BFSP1: variants seen among roughly 807,000 people sequenced by gnomAD.
BFSP1 encodes the protein beaded filament structural protein 1, also known as filensin.
BFSP1 carries 38 observed loss-of-function variants against 43.9 expected under a neutral mutation model. That is an observed-to-expected ratio of 0.87 (90% CI 0.67 to 1.14). The LOEUF is 1.14. BFSP1 is among the 50% of genes most tolerant of loss of function. BFSP1 has a pLI of 0.00. For missense variants in BFSP1, 850 were observed against 875.1 expected, an observed-to-expected ratio of 0.97 and a Z score of 0.36; for synonymous variants, 352 against 354.8, an observed-to-expected ratio of 0.99 and a Z score of 0.09.
rs771012870 is a variant in BFSP1 at position 17,508,871 on chromosome 20, C to A, written c.735+18G>T. On this transcript the variant is annotated intron_variant, in intron 5 of 7. Transcript: ENST00000377873. ...CATGTGGGAAGCCCCAATGCACACG[C>A]GGCAGACTCGAGCGTACCTGTGCCT... 27 of 1,548,004 alleles carry A rather than the reference C, an allele frequency of 1.7e-5. No individual in the cohort carries two copies. Among genetic ancestry groups the A allele is most frequent in the South Asian group, 3.8e-5 (3 of 79,954 alleles).
chr20:17,496,876 G>C, intron 7 of BFSP1, 62 bp downstream of exon 7: 1 of 1,360,982 alleles, frequency 7.3e-7, no homozygotes, highest in Non-Finnish European at 9.9e-7. Context: ...AAGTCAGGAA[G>C]AGAGCCGCTT....
Position 17,499,000 on chromosome 20 carries a change from C to G in BFSP1, c.776G>C (p.Cys259Ser), listed in dbSNP as rs557601555. The G allele has an allele frequency of 6.9e-5, 112 of 1,614,188 alleles. 1 individual carries two copies. In the South Asian group the frequency reaches 1.2e-3, roughly 17 times the overall value. ...ATAAAGCTGAATCTCATCGTCATAA[C>G]ACTCATGGGCACTTTTAATAGCTTG... ...LEQAIKSAHE[C>S]YDDEIQLYNE... The change falls in exon 6 of 8, where the codon TGT becomes TCT. Residue 259 changes from cysteine (C) to serine (S), a missense_variant. Physicochemically the swap from Cys to Ser is moderately radical, Grantham distance 112 (BLOSUM62 -1). Transcript: ENST00000377873.
At chr20:17,563,221 A>G (rs2035082733), upstream of BFSP1, 1 of 152,370 alleles carries the variant, frequency 6.6e-6, no homozygotes, top group Non-Finnish European at 1.5e-5. Flanking sequence ...ACTGCTAGTC[A>G]GAGAACAGAC....
Position 17,531,038 on chromosome 20 carries a change from G to A in BFSP1, c.292C>T (p.Arg98Cys), listed in dbSNP as rs1217212624. The A allele has an allele frequency of 2.1e-6, 3 of 1,419,414 alleles. No homozygotes were observed. The highest frequency in any genetic ancestry group is 2.8e-6 in the Non-Finnish European group (3 of 1,089,998). 87.9% of individuals were successfully genotyped at this position (1,419,414 alleles called of 1,614,324 possible). The change falls in exon 1 of 8, where the codon CGC (arginine) becomes TGC (cysteine). Residue 98 changes from arginine (R) to cysteine (C), a missense_variant. Coordinates refer to ENST00000377873, the MANE Select transcript of BFSP1 (RefSeq NM_001195.5). Reference sequence around the variant, plus strand: ...CGCTCGGCCTCCAGGTCCCGGACGCGCTGGCGGTTGCTCTCGACTTGGCGG... The same window carrying A: ...CGCTCGGCCTCCAGGTCCCGGACGCACTGGCGGTTGCTCTCGACTTGGCGG... ...LARQVESNRQ[R>C]VRDLEAERAR...
chr20:17,563,394 C>T (rs1440321160), upstream of BFSP1, among the ~76,000 whole-genome samples: 1 of 52,412 alleles, frequency 1.9e-5, no homozygotes, highest in East Asian at 6.2e-4. Flanking sequence ...TTCCTCCCTC[C>T]CTCCCTTCCT....
rs770363298 is a variant in BFSP1, at chr20:17,508,962, A to G, written c.662T>C (p.Leu221Pro). Residue 221 changes from leucine (L) to proline (P), a missense_variant, in exon 5 of 8, where the codon CTG becomes CCG. Coordinates refer to ENST00000377873, the MANE Select transcript of BFSP1 (RefSeq NM_001195.5). ...KLLTEREVAALRSQLEEGREV... is the reference protein window; with the variant it reads ...KLLTEREVAAPRSQLEEGREV... ...CCGGCCCTCCTCCAGCTGACTCCGC[A>G]GGGCGGCCACCTCCCGCTCCGTCAG... The G allele has an allele frequency of 1.2e-6, 2 of 1,602,338 alleles. No individual in the cohort carries two copies. Among genetic ancestry groups the G allele is most frequent in the Admixed American group, 3.4e-5 (2 of 58,518 alleles).
At chr20:17,505,415 A>AC (rs1212491829) in intron 5 of BFSP1, among the ~76,000 whole-genome samples, 2 of 152,222 alleles carry the variant, frequency 1.3e-5, no homozygotes, top group East Asian at 3.9e-4. Flanking sequence ...CGGGGACCTC[A>AC]CCCTGACGAC....
In BFSP1 at chr20:17,530,976, G is replaced by C. The variant is rs1457951958; in HGVS notation, c.354C>G (p.Arg118=). 14 of 1,439,048 alleles carry C rather than the reference G, an allele frequency of 9.7e-6. No individual in the cohort carries two copies. Among genetic ancestry groups the C allele is most frequent in the Middle Eastern group, 4.6e-4 (2 of 4,336 alleles). 89.1% of individuals were successfully genotyped at this position (1,439,048 alleles called of 1,614,324 possible). A position where few individuals can be genotyped will look rare whatever the true frequency, so the allele number is the denominator to read the frequency against. ...RLERQGTEAQ[R]ALDEFRSKYE... ...ACTTGCTTCGGAACTCGTCGAGCGC[G>C]CGCTGCGCCTCGGTGCCCTGGCGCT... Residue 118 remains arginine, a synonymous_variant, in exon 1 of 8, where the codon CGC becomes CGG. Transcript: ENST00000377873.
At chr20:17,545,120 A>T (rs563309409) in intron 1 of BFSP1, among the ~76,000 whole-genome samples, 2 of 152,252 alleles carry the variant, frequency 1.3e-5, no homozygotes, top group Admixed American at 6.5e-5. Flanking sequence ...CGAGGCTTCA[A>T]TGGAGCTTAT....
chr20:17,558,273 C>T (rs1399829284), intron 1 of BFSP1, among the ~76,000 whole-genome samples: 1 of 151,942 alleles, frequency 6.6e-6, no homozygotes. Flanking sequence ...AAGTATAGCA[C>T]CCAAACCATT....
chr20:17,508,881 G>C lies in BFSP1; in HGVS notation c.735+8C>G. 1 of 1,571,724 alleles carries C rather than the reference G, an allele frequency of 6.4e-7. No homozygotes were observed. ...GCCCCAATGCACACGCGGCAGACTC[G>C]AGCGTACCTGTGCCTGCAGCTCCAC... On this transcript the variant is annotated splice_region_variant and intron_variant, in intron 5 of 7. Coordinates refer to ENST00000377873, the MANE Select transcript of BFSP1 (RefSeq NM_001195.5).
At chr20:17,542,033 C>T (rs538350885) in intron 1 of BFSP1, among the ~76,000 whole-genome samples, 37 of 152,270 alleles carry the variant, frequency 2.4e-4, no homozygotes, top group African/African-American at 7.7e-4. Flanking sequence ...CTGATGTCCT[C>T]GTAACCTCCA....
chr20:17,509,079 G>A (rs997498261), intron 4 of BFSP1, 83 bp from the exon 5 acceptor site: 6 of 1,005,332 alleles, frequency 6.0e-6, no homozygotes, highest in Admixed American at 3.4e-5. Context: ...TGGTATGGAC[G>A]GAATATCCGT....
At chr20:17,506,517 A>G (rs2033940807) in intron 5 of BFSP1, among the ~76,000 whole-genome samples, 6 of 151,184 alleles carry the variant, frequency 4.0e-5, no homozygotes, top group Admixed American at 3.3e-4. Flanking sequence ...TTTTAATATA[A>G]TTAGTTTCTT....
intron 4 of BFSP1, among the ~76,000 whole-genome samples, chr20:17,509,757 G>A (rs1275479086): frequency 6.6e-6 from 1 of 152,214 alleles, no homozygotes; most frequent in Non-Finnish European, 1.5e-5. Flanking sequence ...TGGGTGAAAG[G>A]GAAGTGACGC....
At chr20:17,564,316 G>C (rs889322824) in intron 1 of BFSP1, among the ~76,000 whole-genome samples, 1 of 150,358 alleles carries the variant, frequency 6.7e-6, no homozygotes, top group African/African-American at 2.5e-5. Context: ...GCAGTGAGCC[G>C]TGTTTGTACA....
chr20:17,512,422 A>G (rs2034108142), intron 3 of BFSP1, among the ~76,000 whole-genome samples: 1 of 152,136 alleles, frequency 6.6e-6, no homozygotes, highest in Non-Finnish European at 1.5e-5. Context: ...AAAAAGAGAA[A>G]AAAACCAGCC....
chr20:17,549,995 T>C (rs2123578928), intron 1 of BFSP1, among the ~76,000 whole-genome samples: 1 of 152,266 alleles, frequency 6.6e-6, no homozygotes, highest in South Asian at 2.1e-4. Flanking sequence ...CACTAGGAGA[T>C]CTGTCCCAAG....
intron 1 of BFSP1, among the ~76,000 whole-genome samples, chr20:17,555,329 A>C (rs895546352): frequency 6.7e-6 from 1 of 148,864 alleles, no homozygotes; most frequent in Non-Finnish European, 1.5e-5. Context: ...ACAAAGTTTT[A>C]CTGAGAGTCA....
Sources: allele counts gnomAD v4.1 joint callset (sites outside exome capture counted in the v4.1 genomes callset), GRCh38; gene constraint gnomAD v4.1.1; transcripts MANE v1.5; gene names NCBI Gene and HGNC (gene_info 2026-07-23, HGNC 2026-07-21).